The following CSNK2A2 variants were observed in gnomAD, a reference collection of about 807,000 sequenced individuals.
CSNK2A2 encodes casein kinase 2 alpha 2, also known as casein kinase II subunit alpha'.
CSNK2A2 carries 8 observed loss-of-function variants against 54.0 expected under a neutral mutation model. That is an observed-to-expected ratio of 0.15 (90% confidence interval 0.09 to 0.27). CSNK2A2 has a LOEUF of 0.27. Ranked by LOEUF, CSNK2A2 falls within the 10% of genes least tolerant of loss-of-function variation. The pLI is 1.00. For missense variants in CSNK2A2, 242 were observed against 439.4 expected (o/e 0.55, Z 4.02); for synonymous variants, 141 against 153.9 (o/e 0.92, Z 0.62).
intron 7 of CSNK2A2, 96 bp downstream of exon 7, chr16:58,167,589 G>T: frequency 1.1e-6 from 1 of 921,176 alleles, no homozygotes; most frequent in Non-Finnish European, 1.7e-6. Context: ...ATAATGGCTG[G>T]GTTTTGAGTG....
chr16:58,171,409 ACTACTCAGGAGG>A (rs1961732275), intron 5 of CSNK2A2, among the ~76,000 whole-genome samples: 1 of 151,826 alleles, frequency 6.6e-6, no homozygotes, highest in African/African-American at 2.4e-5. Flanking sequence ...TGTAATCCCA[ACTACTCAGGAGG>A]CCGAGGCGGG....
intron 4 of CSNK2A2, 117 bp from the exon 5 acceptor site, chr16:58,174,627 T>C: frequency 1.6e-6 from 1 of 617,584 alleles, no homozygotes. Flanking sequence ...ATCCCATGAC[T>C]TTTTTACTAC....
In CSNK2A2 at chr16:58,166,887, A is replaced by G. The variant is rs536130023; in HGVS notation, c.727-203T>C. 5.3e-5 allele frequency among the ~76,000 whole-genome samples: 8 copies of G among 152,346 alleles called. No individual in the cohort carries two copies. The East Asian group carries it at 1.5e-3, about 29-fold the overall frequency. On this transcript the variant is annotated intron_variant, in intron 8 of 11. Transcript: ENST00000262506. ...ATTTCCAAACGGCCTTTAAAATAAT[A>G]CAACTTACGATAATAATCTTCTAGA... is the stretch of plus-strand genomic sequence containing the variant.
chr16:58,177,530 C>G (rs955587105), intron 4 of CSNK2A2, among the ~76,000 whole-genome samples: 1 of 152,202 alleles, frequency 6.6e-6, no homozygotes, highest in Non-Finnish European at 1.5e-5. Flanking sequence ...GGCATACACA[C>G]AGCTGTTCAG....
In CSNK2A2 at chr16:58,177,850, T is replaced by C. The variant is rs188264718; in HGVS notation, c.370-3340A>G. Among the ~76,000 whole-genome samples, 12 of 152,312 alleles carry C rather than the reference T, an allele frequency of 7.9e-5. No homozygotes were observed. The East Asian group carries it at 1.3e-3, about 17-fold the overall frequency. The stretch of plus-strand genomic sequence containing the variant: ...TAGCAGTCACCAGTTTAAGAATTGT[T>C]TACATGTAACCTCTAAGTTCCAGAA... On this transcript the variant is annotated intron_variant, in intron 4 of 11. Coordinates refer to ENST00000262506, the MANE Select transcript of CSNK2A2 (RefSeq NM_001896.4).
chr16:58,178,905 A>T (rs1013375943), intron 4 of CSNK2A2, among the ~76,000 whole-genome samples: 1 of 152,216 alleles, frequency 6.6e-6, no homozygotes, highest in Non-Finnish European at 1.5e-5. Context: ...TATATAGGTC[A>T]CGTTCTCTGA....
rs760578490 is a variant in CSNK2A2, at chr16:58,166,603, A to G, written c.808T>C (p.Phe270Leu). The G allele has an allele frequency of 5.8e-5, 94 of 1,610,728 alleles. No individual in the cohort carries two copies. The highest frequency in any genetic ancestry group is 7.9e-5 in the Non-Finnish European group (93 of 1,176,980). ...ACTTACTGTCCCAGGATATCGTTGA[A>G]GTGTGGATCTAGGTCTATGTGATAC... ...KKYHIDLDPH[F>L]NDILGQHSRK... is the part of the protein sequence containing the mutation. Residue 270 changes from phenylalanine to leucine, a missense_variant, in exon 9 of 12, where the codon TTC becomes CTC. By Grantham distance (22) the Phe-to-Leu change is conservative. Coordinates refer to ENST00000262506, the MANE Select transcript of CSNK2A2 (RefSeq NM_001896.4).
At chr16:58,180,426 T>C (rs1339122232) in intron 4 of CSNK2A2, among the ~76,000 whole-genome samples, 1 of 151,576 alleles carries the variant, frequency 6.6e-6, no homozygotes, top group Non-Finnish European at 1.5e-5. Flanking sequence ...CCTAAGAGAA[T>C]TCTTTGTCAA....
intron 2 of CSNK2A2, among the ~76,000 whole-genome samples, chr16:58,187,919 G>A (rs749649120): frequency 3.3e-5 from 5 of 152,126 alleles, no homozygotes; most frequent in African/African-American, 1.2e-4. Context: ...CGGGAGAAAC[G>A]TAACTAAGGA....
intron 4 of CSNK2A2, 41 bp from the exon 5 acceptor site, chr16:58,174,551 A>G (rs905900775): frequency 6.5e-7 from 1 of 1,535,378 alleles, no homozygotes; most frequent in South Asian, 1.1e-5. Flanking sequence ...ATTTAGTCTC[A>G]CTGCATCTTG....
At chr16:58,178,243 T>G (rs1210871805) in intron 4 of CSNK2A2, among the ~76,000 whole-genome samples, 1 of 152,116 alleles carries the variant, frequency 6.6e-6, no homozygotes, top group African/African-American at 2.4e-5. Flanking sequence ...TTTTTTTTTT[T>G]TTTGTATTTC....
chr16:58,164,073 A>T lies in CSNK2A2; in HGVS notation c.1051T>A (p.Ter351ArgextTer66), dbSNP rs1250089462. Residue 351 changes from the stop codon to arginine, a stop_lost, in exon 11 of 12, where the codon TGA (stop) becomes AGA (arginine). Coordinates refer to ENST00000262506, the MANE Select transcript of CSNK2A2 (RefSeq NM_001896.4). ...CATTACCCGTCGCTTTCCAGTCTTC[A>T]TCGTGCTGCCGTGAGACCACTGGAA... is the stretch of plus-strand genomic sequence containing the variant. ...VLSSGLTAAR[*>R] is the part of the protein sequence containing the mutation. 6.2e-7 allele frequency: 1 copy of T among 1,613,020 alleles called. No homozygotes were observed. The highest frequency in any genetic ancestry group is 1.3e-5 in the African/African-American group (1 of 74,928).
intron 3 of CSNK2A2, 24 bp downstream of exon 3, chr16:58,186,731 C>T: frequency 6.4e-7 from 1 of 1,572,330 alleles, no homozygotes. Context: ...TACTAGTATA[C>T]TCCCCCAACC....
At chr16:58,182,374 CAAAAAAAAAA>C (rs71155249) in intron 4 of CSNK2A2, among the ~76,000 whole-genome samples, 14 of 25,742 alleles carry the variant, frequency 5.4e-4, no homozygotes, top group Admixed American at 4.4e-3. Context: ...CTAAATATAC[CAAAAAAAAAA>C]AAAAAAAAAA....
chr16:58,192,240 G>C (rs1484545752), intron 2 of CSNK2A2, among the ~76,000 whole-genome samples: 1 of 152,144 alleles, frequency 6.6e-6, no homozygotes, highest in African/African-American at 2.4e-5. Flanking sequence ...CCACCCTGAT[G>C]ATGAGATGGT....
At chr16:58,186,617 T>A in intron 3 of CSNK2A2, 138 bp downstream of exon 3, 1 of 584,490 alleles carries the variant, frequency 1.7e-6, no homozygotes, top group South Asian at 2.5e-5. Flanking sequence ...GATTTTTTTC[T>A]GGTTTTCAAA....
chr16:58,185,590 G>A (rs1376797067), intron 3 of CSNK2A2, among the ~76,000 whole-genome samples: 1 of 151,844 alleles, frequency 6.6e-6, no homozygotes, highest in African/African-American at 2.4e-5. Flanking sequence ...TTTTTCCATG[G>A]GTACTCATTT....
intron 5 of CSNK2A2, among the ~76,000 whole-genome samples, chr16:58,172,293 A>AT (rs1236141533): frequency 1.3e-5 from 2 of 151,946 alleles, no homozygotes; most frequent in African/African-American, 4.8e-5. Flanking sequence ...TTCTACTTCA[A>AT]TTTTTTCCCT....
At chr16:58,161,622 A>C (rs1001255242) in intron 11 of CSNK2A2, 1 of 152,040 alleles carries the variant, frequency 6.6e-6, no homozygotes, top group Non-Finnish European at 1.5e-5. Context: ...CTCCGAATCT[A>C]GGTAAATAGT....
Sources: gnomAD v4.1 joint callset for allele counts (sites outside exome capture counted in the v4.1 genomes callset) on GRCh38, gnomAD v4.1.1 for gene constraint, MANE v1.5 for transcripts, NCBI Gene and HGNC (gene_info 2026-07-23, HGNC 2026-07-21) for gene names.